Variants in ADGRL3 observed in about 807,000 individuals in gnomAD.
ADGRL3 encodes calcium-independent alpha-latrotoxin receptor 3.
In ADGRL3, 62 loss-of-function variants were observed where a neutral mutation model predicts 153.5. The observed-to-expected ratio is 0.40, with a 90% CI of 0.33 to 0.50. The LOEUF (loss-of-function observed/expected upper bound fraction) is 0.50. ADGRL3 is among the 20% of genes least tolerant of loss of function. The pLI, the probability that ADGRL3 is intolerant of heterozygous loss-of-function variation, is 0.47. For missense variants in ADGRL3, 1,641 were observed against 1,859.4 expected (o/e 0.88, Z 2.16); for synonymous variants, 710 against 672.5 (o/e 1.06, Z -0.86).
intron 17 of ADGRL3, among the ~76,000 whole-genome samples, chr4:61,951,482 C>A (rs1360432342): frequency 6.6e-6 from 1 of 152,136 alleles, no homozygotes. Flanking sequence ...TGCTAGATCT[C>A]TAAACAATAA....
intron 4 of ADGRL3, among the ~76,000 whole-genome samples, chr4:61,573,318 T>C (rs1185567166): frequency 2.0e-5 from 3 of 152,014 alleles, no homozygotes; most frequent in Non-Finnish European, 4.4e-5. Flanking sequence ...GTTATCATCA[T>C]TAAAGTACAC....
chr4:61,511,497 T>A (rs1274551000), intron 3 of ADGRL3, among the ~76,000 whole-genome samples: 2 of 152,226 alleles, frequency 1.3e-5, no homozygotes, highest in Admixed American at 1.3e-4. Flanking sequence ...TAGAATCATG[T>A]TGTTAGCAAA....
intron 13 of ADGRL3, among the ~76,000 whole-genome samples, chr4:61,927,927 C>T (rs2098801416): frequency 6.6e-6 from 1 of 151,812 alleles, no homozygotes; most frequent in Non-Finnish European, 1.5e-5. Flanking sequence ...ACAGTGTATA[C>T]ATTCAGAAAG....
intron 5 of ADGRL3, among the ~76,000 whole-genome samples, chr4:61,656,060 G>T (rs1037326040): frequency 6.6e-6 from 1 of 152,118 alleles, no homozygotes; most frequent in Non-Finnish European, 1.5e-5. Context: ...CTTAATCACA[G>T]GTTTTTGATG....
chr4:61,807,681 A>G (rs956029065), intron 8 of ADGRL3, among the ~76,000 whole-genome samples: 1 of 152,126 alleles, frequency 6.6e-6, no homozygotes, highest in Admixed American at 6.5e-5. Context: ...CATTTTCAAA[A>G]TGTATTTTCT....
intron 4 of ADGRL3, among the ~76,000 whole-genome samples, chr4:61,531,839 A>G (rs2098618669): frequency 6.6e-6 from 1 of 152,132 alleles, no homozygotes. Flanking sequence ...AAGCAGAAAG[A>G]TCTTTTTATC....
chr4:62,039,771 T>C (rs906508167), intron 24 of ADGRL3, among the ~76,000 whole-genome samples: 1 of 152,162 alleles, frequency 6.6e-6, no homozygotes, highest in Admixed American at 6.6e-5. Context: ...CTTTTTGTAA[T>C]AACTTTTTCC....
At chr4:62,003,265 C>T (rs2099146662) in intron 21 of ADGRL3, among the ~76,000 whole-genome samples, 1 of 152,074 alleles carries the variant, frequency 6.6e-6, no homozygotes, top group Non-Finnish European at 1.5e-5. Flanking sequence ...TAGTCTCTCT[C>T]CTTAGGTTTT....
intron 1 of ADGRL3, among the ~76,000 whole-genome samples, chr4:61,269,147 A>C (rs2093016718): frequency 6.6e-6 from 1 of 151,698 alleles, no homozygotes; most frequent in Non-Finnish European, 1.5e-5. Context: ...CTCTCTGTTC[A>C]TTATAAACTT....
chr4:61,766,357 A>G (rs2096979718), intron 8 of ADGRL3, among the ~76,000 whole-genome samples: 1 of 152,144 alleles, frequency 6.6e-6, no homozygotes, highest in African/African-American at 2.4e-5. Context: ...AGGGCCTCTA[A>G]AAGTATTAAT....
chr4:61,648,084 C>G (rs2094106666), intron 5 of ADGRL3, among the ~76,000 whole-genome samples: 1 of 152,054 alleles, frequency 6.6e-6, no homozygotes, highest in South Asian at 2.1e-4. Flanking sequence ...TTCCACTGAA[C>G]TGACATGTAT....
intron 2 of ADGRL3, chr4:61,427,544 G>T (rs185453211): frequency 1.4e-4 from 21 of 153,306 alleles, no homozygotes; most frequent in African/African-American, 3.4e-4. Flanking sequence ...GTCAGTTGGG[G>T]TATAGGCACT....
chr4:61,791,734 A>G (rs527591246), intron 8 of ADGRL3, among the ~76,000 whole-genome samples: 16 of 152,302 alleles, frequency 1.1e-4, no homozygotes, highest in African/African-American at 3.4e-4. Flanking sequence ...ACATTTCTAT[A>G]CATCTGAAAT....
intron 8 of ADGRL3, among the ~76,000 whole-genome samples, chr4:61,765,419 G>A (rs1218662660): frequency 6.6e-6 from 1 of 152,106 alleles, no homozygotes; most frequent in Non-Finnish European, 1.5e-5. Context: ...TAAAAGTATT[G>A]TCCAGTCCTT....
intron 17 of ADGRL3, among the ~76,000 whole-genome samples, chr4:61,963,909 A>G (rs1474709447): frequency 3.9e-5 from 6 of 152,164 alleles, no homozygotes; most frequent in Non-Finnish European, 7.4e-5. Context: ...GGATCCTAAA[A>G]TGTGGACACT....
chr4:61,444,976 C>T (rs562518101), intron 2 of ADGRL3, among the ~76,000 whole-genome samples: 2 of 151,858 alleles, frequency 1.3e-5, no homozygotes, highest in South Asian at 2.1e-4. Context: ...CGCTTGAGCC[C>T]AGGAGGTCAA....
intron 9 of ADGRL3, among the ~76,000 whole-genome samples, chr4:61,837,248 T>G (rs535711600): frequency 9.9e-5 from 15 of 152,200 alleles, no homozygotes; most frequent in African/African-American, 3.4e-4. Flanking sequence ...TAGGTCTTAT[T>G]CTAAGAGGTC....
At chr4:61,879,711 CTATT>C (rs1338263403) in intron 9 of ADGRL3, among the ~76,000 whole-genome samples, 11 of 151,952 alleles carry the variant, frequency 7.2e-5, no homozygotes, top group African/African-American at 1.7e-4. Flanking sequence ...CTTTATTACT[CTATT>C]AATTAATTAA....
At chr4:61,358,681 T>A (rs992919479) in intron 1 of ADGRL3, among the ~76,000 whole-genome samples, 1 of 151,756 alleles carries the variant, frequency 6.6e-6, no homozygotes, top group African/African-American at 2.4e-5. Flanking sequence ...GCATCCCACT[T>A]TCCTTGTATT....
Sources: allele counts gnomAD v4.1 joint callset (sites outside exome capture counted in the v4.1 genomes callset), GRCh38; gene constraint gnomAD v4.1.1; transcripts MANE v1.5; gene names NCBI Gene and HGNC (gene_info 2026-07-23, HGNC 2026-07-21).